Variants in GMPR observed in about 807,000 individuals in gnomAD.
GMPR encodes guanosine monophosphate reductase.
A neutral mutation model predicts 38.4 loss-of-function variants in GMPR; 31 were observed. That is an observed-to-expected ratio of 0.81 (90% CI 0.61 to 1.09). The LOEUF is 1.09. GMPR is among the 50% of genes least tolerant of loss of function. The pLI is 0.00. For missense variants in GMPR, 468 were observed against 453.7 expected, an observed-to-expected ratio of 1.03 and a Z score of -0.29; for synonymous variants, 162 against 173.3, an observed-to-expected ratio of 0.93 and a Z score of 0.51.
chr6:16,242,259 G>A (rs990671987), intron 1 of GMPR, among the ~76,000 whole-genome samples: 1 of 152,066 alleles, frequency 6.6e-6, no homozygotes, highest in Non-Finnish European at 1.5e-5. Flanking sequence ...GTTGGCCTGA[G>A]GGGGATGAGA....
In GMPR at chr6:16,279,415, C is replaced by T. The variant is rs567861673; in HGVS notation, c.654+525C>T. ...CCTGAGGATACTAGTCCTTTCAGAT[C>T]AGGGGCCACCCTCCTCCAGGATGTC... On this transcript the variant is annotated intron_variant, in intron 6 of 8. Coordinates refer to ENST00000259727, the MANE Select transcript of GMPR (RefSeq NM_006877.4). 6.4e-4 allele frequency among the ~76,000 whole-genome samples: 97 copies of T among 152,330 alleles called. No individual in the cohort carries two copies. In the Middle Eastern group the frequency reaches 0.01, roughly 16 times the overall value.
At chr6:16,250,180 G>A (rs1758841820) in intron 2 of GMPR, 104 bp from the exon 3 acceptor site, 1 of 743,442 alleles carries the variant, frequency 1.3e-6, no homozygotes, top group South Asian at 1.5e-5. Context: ...ATGGATGGCA[G>A]GAACACTGAT....
chr6:16,259,360 G>T (rs190931237), intron 4 of GMPR: 1 of 152,036 alleles, frequency 6.6e-6, no homozygotes, highest in Non-Finnish European at 1.5e-5. Context: ...GCAGGAACCG[G>T]CCATCTGGAT....
chr6:16,264,459 G>A (rs1036534028), intron 4 of GMPR: 3 of 173,316 alleles, frequency 1.7e-5, no homozygotes, highest in Non-Finnish European at 3.6e-5. Context: ...GAGGTCCCCC[G>A]ATCTGAGTCA....
chr6:16,267,715 C>T (rs1219126594), intron 4 of GMPR, among the ~76,000 whole-genome samples: 1 of 152,132 alleles, frequency 6.6e-6, no homozygotes, highest in Non-Finnish European at 1.5e-5. Flanking sequence ...ACTTGGAGGT[C>T]CCTGTGTTGG....
Position 16,238,761 on chromosome 6 carries a change from G to T in GMPR, c.68G>T (p.Ser23Ile). ...KDVLLRPKRS[S>I]LKSRAEVDLE... ...GTCCTGCTCCGACCTAAGCGGAGCA[G>T]CCTCAAGAGCCGAGCCGAGGTGGGG... The change falls in exon 1 of 9, where the codon AGC (serine) becomes ATC (isoleucine). Residue 23 changes from serine (S) to isoleucine (I), a missense_variant. Ser to Ile is a moderately radical substitution (Grantham distance 142, BLOSUM62 -2). Transcript: ENST00000259727. The T allele has an allele frequency of 6.8e-7, 1 of 1,466,476 alleles. No homozygotes were observed. Among genetic ancestry groups the T allele is most frequent in the South Asian group, 1.3e-5 (1 of 74,602 alleles). The allele number at this position is 1,466,476 out of a possible 1,614,324, so 90.8% of individuals were successfully genotyped here. A position where few individuals can be genotyped will look rare whatever the true frequency, so the allele number is the denominator to read the frequency against.
chr6:16,266,741 G>T (rs1331839159), intron 4 of GMPR, among the ~76,000 whole-genome samples: 6 of 151,450 alleles, frequency 4.0e-5, no homozygotes, highest in Admixed American at 3.9e-4. Flanking sequence ...AACCTGGGAG[G>T]GGGAGCTTGA....
chr6:16,257,403 C>T (rs1759002984), intron 4 of GMPR, among the ~76,000 whole-genome samples: 1 of 152,112 alleles, frequency 6.6e-6, no homozygotes, highest in African/African-American at 2.4e-5. Flanking sequence ...TGTCTTTTAT[C>T]TTCTTTTTCT....
intron 1 of GMPR, among the ~76,000 whole-genome samples, chr6:16,245,712 G>T (rs184534276): frequency 4.6e-5 from 7 of 152,350 alleles, no homozygotes; most frequent in African/African-American, 1.7e-4. Flanking sequence ...GCACCCCAGA[G>T]ATCAGCAACA....
chr6:16,292,834 T>G (rs1235372149), intron 8 of GMPR, among the ~76,000 whole-genome samples: 2 of 152,066 alleles, frequency 1.3e-5, no homozygotes, highest in Non-Finnish European at 2.9e-5. Context: ...AGAAAAAACG[T>G]CTTCTGTAAT....
intron 4 of GMPR, among the ~76,000 whole-genome samples, chr6:16,270,022 C>T (rs1343211106): frequency 6.6e-6 from 1 of 152,206 alleles, no homozygotes; most frequent in Non-Finnish European, 1.5e-5. Flanking sequence ...CTACCTAATT[C>T]ACCTCCCCAA....
intron 4 of GMPR, among the ~76,000 whole-genome samples, chr6:16,271,030 A>C (rs1189844069): frequency 6.6e-6 from 1 of 151,958 alleles, no homozygotes; most frequent in Non-Finnish European, 1.5e-5. Flanking sequence ...CTGCTTTAAA[A>C]ATAATTAAAT....
intron 6 of GMPR, among the ~76,000 whole-genome samples, chr6:16,282,368 CT>C (rs200314381): frequency 2.0e-5 from 3 of 151,742 alleles, no homozygotes; most frequent in Admixed American, 6.6e-5. Flanking sequence ...AATAATTAAT[CT>C]TTTTTTTTGA....
chr6:16,272,092 A>C (rs899771980), intron 4 of GMPR, among the ~76,000 whole-genome samples: 1 of 152,138 alleles, frequency 6.6e-6, no homozygotes, highest in African/African-American at 2.4e-5. Flanking sequence ...TGTGCCTGTA[A>C]TACCAGCTAC....
Position 16,238,598 on chromosome 6 carries a change from C to G in GMPR, c.-96C>G. ...TGCGCACCCGGCCCACGCCAGCTCCCGGCCGCGGCACAGCAGCCCCGGCGC... is the reference window on the plus strand; with the variant it reads ...TGCGCACCCGGCCCACGCCAGCTCCGGGCCGCGGCACAGCAGCCCCGGCGC... On this transcript the variant is annotated 5_prime_UTR_variant, in exon 1 of 9. Coordinates refer to ENST00000259727, the MANE Select transcript of GMPR (RefSeq NM_006877.4). 1.1e-5 allele frequency: 3 copies of G among 283,844 alleles called. No individual in the cohort carries two copies. Among genetic ancestry groups the G allele is most frequent in the Non-Finnish European group, 1.6e-5 (3 of 184,352 alleles). 17.6% of individuals were successfully genotyped at this position (283,844 alleles called of 1,614,324 possible).
At chr6:16,275,550 A>G (rs1425508971) in intron 5 of GMPR, among the ~76,000 whole-genome samples, 1 of 152,232 alleles carries the variant, frequency 6.6e-6, no homozygotes, top group East Asian at 1.9e-4. Context: ...AAGCCAGTTA[A>G]TAATGTATTC....
chr6:16,245,132 G>A (rs867202501), intron 1 of GMPR, among the ~76,000 whole-genome samples: 1 of 152,196 alleles, frequency 6.6e-6, no homozygotes. Context: ...GGTCCCTTCA[G>A]TTCTCTTTCA....
At chr6:16,265,227 A>G (rs1264830858) in intron 4 of GMPR, among the ~76,000 whole-genome samples, 1 of 152,232 alleles carries the variant, frequency 6.6e-6, no homozygotes, top group Non-Finnish European at 1.5e-5. Context: ...TGCTGAAATT[A>G]CAGGCATGAA....
chr6:16,266,698 C>T (rs1422668435), intron 4 of GMPR, among the ~76,000 whole-genome samples: 2 of 151,526 alleles, frequency 1.3e-5, no homozygotes, highest in African/African-American at 2.4e-5. Context: ...GTAGTCCCAG[C>T]TACTCGGGAG....
Sources: gnomAD v4.1 joint callset for allele counts (sites outside exome capture counted in the v4.1 genomes callset) on GRCh38, gnomAD v4.1.1 for gene constraint, MANE v1.5 for transcripts, NCBI Gene and HGNC (gene_info 2026-07-23, HGNC 2026-07-21) for gene names.